Variants in LRCH1 observed in about 807,000 individuals in gnomAD.
The protein encoded by LRCH1 is leucine-rich repeat and calponin homology domain-containing protein 1.
LRCH1 carries 23 observed loss-of-function variants against 94.9 expected under a neutral mutation model. That is an observed-to-expected ratio of 0.24 (90% CI 0.17 to 0.34). The LOEUF (loss-of-function observed/expected upper bound fraction) is 0.34. Among genes scored for constraint, LRCH1 ranks in the 10% least tolerant of loss-of-function variants. The pLI, the probability that LRCH1 is intolerant of heterozygous loss-of-function variation, is 1.00. For missense variants in LRCH1, 790 were observed against 945.9 expected (o/e 0.84, Z 2.16); for synonymous variants, 364 against 354.9 (o/e 1.03, Z -0.29).
intron 1 of LRCH1, among the ~76,000 whole-genome samples, chr13:46,613,635 C>G (rs766433659): frequency 1.3e-5 from 2 of 152,152 alleles, no homozygotes; most frequent in Non-Finnish European, 2.9e-5. Context: ...CTTTAGAATC[C>G]AGATGCCTGG....
chr13:46,636,579 A>G (rs957364779), intron 1 of LRCH1, among the ~76,000 whole-genome samples: 2 of 152,012 alleles, frequency 1.3e-5, no homozygotes, highest in Non-Finnish European at 2.9e-5. Flanking sequence ...GTAATCGTCC[A>G]TTCTCTCCTG....
chr13:46,646,925 C>G (rs1413945203), intron 1 of LRCH1, among the ~76,000 whole-genome samples: 1 of 151,968 alleles, frequency 6.6e-6, no homozygotes, highest in Non-Finnish European at 1.5e-5. Flanking sequence ...CCAGCCTGGC[C>G]CACATGGTGA....
intron 2 of LRCH1, among the ~76,000 whole-genome samples, chr13:46,656,306 A>T (rs2138090683): frequency 1.3e-5 from 2 of 152,366 alleles, no homozygotes; most frequent in Middle Eastern, 3.4e-3. Context: ...TTCTAAAGAA[A>T]GTCTCAATTG....
intron 1 of LRCH1, among the ~76,000 whole-genome samples, chr13:46,610,428 G>A (rs1366425351): frequency 1.3e-5 from 2 of 150,782 alleles, no homozygotes; most frequent in Non-Finnish European, 3.0e-5. Context: ...TTAAAAACTT[G>A]TAATATTTTA....
chr13:46,657,390 A>ATTTT (rs10672465), intron 2 of LRCH1, among the ~76,000 whole-genome samples: 93,458 of 145,984 alleles, frequency 0.64, 30,305 homozygotes, highest in Middle Eastern at 0.72. Flanking sequence ...AAAAAGAGAG[A>ATTTT]TTTTTTTTTT....
intron 1 of LRCH1, among the ~76,000 whole-genome samples, chr13:46,647,193 C>T (rs543365061): frequency 6.6e-6 from 1 of 151,734 alleles, no homozygotes; most frequent in South Asian, 2.1e-4. Context: ...AGAAAGACTG[C>T]TAGGTTAAAG....
intron 3 of LRCH1, among the ~76,000 whole-genome samples, chr13:46,674,834 G>A (rs1221125658): frequency 6.6e-6 from 1 of 152,200 alleles, no homozygotes. Flanking sequence ...TAGAGCTGGA[G>A]TCAAAACCAG....
At chr13:46,679,883 G>A (rs1192894226) in intron 3 of LRCH1, 2 of 152,316 alleles carry the variant, frequency 1.3e-5, no homozygotes, top group African/African-American at 2.4e-5. Flanking sequence ...CAGGTTGATA[G>A]ATCACCTGAA....
chr13:46,689,303 G>A, intron 7 of LRCH1, 107 bp downstream of exon 7: 1 of 750,760 alleles, frequency 1.3e-6, no homozygotes, highest in South Asian at 2.1e-5. Flanking sequence ...GTATATTCAT[G>A]TGATATTCGT....
In LRCH1 at chr13:46,689,179, C is replaced by T; in HGVS notation, c.997C>T (p.Arg333Ter). ...AGTTGGAAGTGATAATGGAGATAAGCGATTATCTGCCACCGAGGTAAAGTT... is the reference window on the plus strand; with the variant it reads ...AGTTGGAAGTGATAATGGAGATAAGTGATTATCTGCCACCGAGGTAAAGTT... ...SGVGSDNGDKRLSATEPSDED... is the reference protein window; with the variant it reads ...SGVGSDNGDK Residue 333 changes from arginine to a stop codon, truncating the protein, a stop_gained, in exon 7 of 20, where the codon CGA becomes TGA. Transcript: ENST00000389797. LOFTEE classifies it high-confidence loss of function. 1 of 1,610,722 alleles carries T rather than the reference C, an allele frequency of 6.2e-7. No homozygotes were observed. The highest frequency in any genetic ancestry group is 8.5e-7 in the Non-Finnish European group (1 of 1,178,118).
Position 46,597,922 on chromosome 13 carries a change from T to C in LRCH1, c.307+44219T>C, listed in dbSNP as rs118079241. Among the ~76,000 whole-genome samples the C allele has an allele frequency of 6.0e-4, 91 of 152,224 alleles. 1 individual carries two copies. The East Asian group carries it at 0.017, about 28-fold the overall frequency. On this transcript the variant is annotated intron_variant, in intron 1 of 19. Coordinates refer to ENST00000389797, the MANE Select transcript of LRCH1 (RefSeq NM_001164211.2). ...CTGTGTTTCCCCCAGAAGCTAAGGATTAGTATTTCCTATGGCGGTGTTCAA... is the reference window on the plus strand; with the variant it reads ...CTGTGTTTCCCCCAGAAGCTAAGGACTAGTATTTCCTATGGCGGTGTTCAA...
intron 11 of LRCH1, 91 bp downstream of exon 11, chr13:46,701,298 A>G: frequency 1.1e-6 from 1 of 913,092 alleles, no homozygotes; most frequent in East Asian, 2.7e-5. Flanking sequence ...ATACCTACAC[A>G]GACGATTTTG....
chr13:46,703,070 C>G (rs377427333), intron 11 of LRCH1, among the ~76,000 whole-genome samples: 1 of 152,120 alleles, frequency 6.6e-6, no homozygotes, highest in East Asian at 1.9e-4. Flanking sequence ...AAGGTATGTT[C>G]AAAGAGTTGA....
intron 1 of LRCH1, among the ~76,000 whole-genome samples, chr13:46,623,559 C>CA (rs1305804821): frequency 6.6e-6 from 1 of 151,944 alleles, no homozygotes; most frequent in Non-Finnish European, 1.5e-5. Flanking sequence ...TGTTCAGAGT[C>CA]AACTTCTTCC....
chr13:46,638,162 T>C (rs2051114844), intron 1 of LRCH1, among the ~76,000 whole-genome samples: 1 of 152,260 alleles, frequency 6.6e-6, no homozygotes, highest in African/African-American at 2.4e-5. Flanking sequence ...ATATAGTATT[T>C]GTATTATATA....
At chr13:46,657,495 CTTTTCTTTTTTTTTTTTTTT>C (rs2051387127) in intron 2 of LRCH1, among the ~76,000 whole-genome samples, 5 of 16,814 alleles carry the variant, frequency 3.0e-4, no homozygotes, top group African/African-American at 8.1e-4. Flanking sequence ...TTTTTCTTTT[CTTTTCTTTTTTTTTTTTTTT>C]TTTTTTTTTT....
chr13:46,600,233 T>C (rs1272309792), intron 1 of LRCH1, among the ~76,000 whole-genome samples: 1 of 152,194 alleles, frequency 6.6e-6, no homozygotes, highest in Non-Finnish European at 1.5e-5. Context: ...TCACAATGTC[T>C]TTATGGTTTG....
At chr13:46,709,522 C>A (rs998161212) in intron 13 of LRCH1, among the ~76,000 whole-genome samples, 2 of 152,202 alleles carry the variant, frequency 1.3e-5, no homozygotes, top group African/African-American at 4.8e-5. Flanking sequence ...CCAGGTCCAA[C>A]CTTCCTTAGC....
rs150906942 is a variant in LRCH1, at chr13:46,636,971, G to A, written c.308-13230G>A. 5.7e-3 allele frequency among the ~76,000 whole-genome samples: 868 copies of A among 152,136 alleles called. 9 individuals are homozygous for A. Among genetic ancestry groups the A allele is most frequent in the African/African-American group, 0.02 (815 of 41,474 alleles). ...TCTTACAGTTCCCAACATTTGTCCC[G>A]AGGCCCAGCTGTGAACACTTCCTTA... On this transcript the variant is annotated intron_variant, in intron 1 of 19. Coordinates refer to ENST00000389797, the MANE Select transcript of LRCH1 (RefSeq NM_001164211.2).
Sources: allele counts gnomAD v4.1 joint callset (sites outside exome capture counted in the v4.1 genomes callset), GRCh38; gene constraint gnomAD v4.1.1; transcripts MANE v1.5; gene names NCBI Gene and HGNC (gene_info 2026-07-23, HGNC 2026-07-21).